The following MACROD2 variants were observed in gnomAD, a reference collection of about 807,000 sequenced individuals.
MACROD2 encodes mono-ADP ribosylhydrolase 2, also known as ADP-ribose glycohydrolase MACROD2.
A neutral mutation model predicts 70.4 loss-of-function variants in MACROD2; 36 were observed. That is an observed-to-expected ratio of 0.51 (90% CI 0.39 to 0.68). MACROD2 has a LOEUF of 0.68. Ranked by LOEUF, MACROD2 falls within the 30% of genes least tolerant of loss-of-function variation. The probability of loss-of-function intolerance (pLI) is 0.00; values close to 1 mark genes in which losing one functional copy is unlikely to be tolerated. For synonymous variants in MACROD2, 172 were observed against 178.8 expected (o/e 0.96, Z 0.30); for missense variants, 496 against 538.4 (o/e 0.92, Z 0.78).
chr20:14,018,849 A>G lies in MACROD2; in HGVS notation c.163+16445A>G, dbSNP rs958628674. On this transcript the variant is annotated intron_variant, in intron 2 of 17. Transcript: ENST00000684519. Reference sequence around the variant, plus strand: ...AATATTATGGCACCAGCCTTTGATAAAAGAAAAAGCTTTATTGCAAGGTTG... The same window carrying G: ...AATATTATGGCACCAGCCTTTGATAGAAGAAAAAGCTTTATTGCAAGGTTG... 5.9e-5 allele frequency among the ~76,000 whole-genome samples: 9 copies of G among 152,208 alleles called. No individual in the cohort carries two copies. In the South Asian group the frequency reaches 1.7e-3, roughly 28 times the overall value.
chr20:15,170,044 C>T (rs1243376261), intron 5 of MACROD2, among the ~76,000 whole-genome samples: 2 of 152,166 alleles, frequency 1.3e-5, no homozygotes, highest in African/African-American at 2.4e-5. Flanking sequence ...GGCCATGTTG[C>T]CTTACAAGCC....
At chr20:15,427,118 T>G (rs2046308729) in intron 6 of MACROD2, among the ~76,000 whole-genome samples, 2 of 152,212 alleles carry the variant, frequency 1.3e-5, no homozygotes, top group Admixed American at 1.3e-4. Flanking sequence ...ATGAATTTTT[T>G]TCCACAATAC....
intron 6 of MACROD2, among the ~76,000 whole-genome samples, chr20:15,374,613 G>A (rs965335532): frequency 6.6e-6 from 1 of 152,022 alleles, no homozygotes; most frequent in Admixed American, 6.6e-5. Context: ...ACAGACAGTT[G>A]ATATAACTGA....
intron 8 of MACROD2, among the ~76,000 whole-genome samples, chr20:15,578,812 A>G (rs531533475): frequency 1.8e-4 from 28 of 152,318 alleles, no homozygotes; most frequent in African/African-American, 6.3e-4. Flanking sequence ...TGTTTCAGTG[A>G]AAAGCTAAAA....
intron 8 of MACROD2, among the ~76,000 whole-genome samples, chr20:15,546,329 A>G (rs2048025968): frequency 6.6e-6 from 1 of 152,192 alleles, no homozygotes; most frequent in Non-Finnish European, 1.5e-5. Flanking sequence ...ATGACTGTAA[A>G]TGGATTTTCT....
chr20:14,179,963 G>A (rs898594938), intron 3 of MACROD2, among the ~76,000 whole-genome samples: 2 of 152,128 alleles, frequency 1.3e-5, no homozygotes, highest in Non-Finnish European at 2.9e-5. Context: ...ATTTTAAAGT[G>A]TATAATTCAG....
At chr20:14,737,252 C>G (rs2071677604) in intron 5 of MACROD2, among the ~76,000 whole-genome samples, 1 of 152,124 alleles carries the variant, frequency 6.6e-6, no homozygotes, top group African/African-American at 2.4e-5. Context: ...TGGTTTCCAG[C>G]ATCATCCATG....
At chr20:14,578,853 G>A (rs1295943849) in intron 4 of MACROD2, among the ~76,000 whole-genome samples, 1 of 152,102 alleles carries the variant, frequency 6.6e-6, no homozygotes, top group African/African-American at 2.4e-5. Flanking sequence ...TATTTTACAG[G>A]GAGGAGCGTG....
intron 3 of MACROD2, among the ~76,000 whole-genome samples, chr20:14,371,797 T>C (rs537191775): frequency 1.2e-4 from 18 of 152,230 alleles, no homozygotes; most frequent in African/African-American, 4.3e-4. Flanking sequence ...CTAGGTTCTC[T>C]CTTCCATGAT....
At chr20:15,151,187 G>A (rs1734918) in intron 5 of MACROD2, among the ~76,000 whole-genome samples, 95,479 of 151,730 alleles carry the variant, frequency 0.63, 30,511 homozygotes, top group African/African-American at 0.72. Context: ...AGGTGAGTTG[G>A]ACAGTCCAAT....
chr20:15,136,708 A>G (rs1358394931), intron 5 of MACROD2, among the ~76,000 whole-genome samples: 1 of 152,042 alleles, frequency 6.6e-6, no homozygotes, highest in Non-Finnish European at 1.5e-5. Flanking sequence ...CAAAATTGAC[A>G]AATGGGATCT....
At chr20:15,052,658 C>T (rs1568550628) in intron 5 of MACROD2, among the ~76,000 whole-genome samples, 1 of 152,080 alleles carries the variant, frequency 6.6e-6, no homozygotes, top group African/African-American at 2.4e-5. Flanking sequence ...CTGGAGCCTC[C>T]GTATTCCCTG....
At chr20:14,868,652 T>G (rs1320915148) in intron 5 of MACROD2, among the ~76,000 whole-genome samples, 1 of 152,156 alleles carries the variant, frequency 6.6e-6, no homozygotes, top group African/African-American at 2.4e-5. Context: ...TGCAAATGTC[T>G]TTACTTTCAC....
intron 7 of MACROD2, among the ~76,000 whole-genome samples, chr20:15,488,591 G>A (rs2047189928): frequency 6.6e-6 from 1 of 152,180 alleles, no homozygotes; most frequent in Non-Finnish European, 1.5e-5. Context: ...CCCACTGGGG[G>A]GCTCCTAGCG....
chr20:14,767,417 C>A (rs2072105374), intron 5 of MACROD2, among the ~76,000 whole-genome samples: 1 of 151,762 alleles, frequency 6.6e-6, no homozygotes. Context: ...TTTAGAAATG[C>A]AAGTGAGGGA....
At chr20:15,754,525 A>G (rs1274906443) in intron 8 of MACROD2, among the ~76,000 whole-genome samples, 1 of 151,850 alleles carries the variant, frequency 6.6e-6, no homozygotes, top group African/African-American at 2.4e-5. Context: ...TAGGAGAATC[A>G]TCTGAGCCTG....
Position 15,308,215 on chromosome 20 carries a change from T to A in MACROD2, c.540+78154T>A, listed in dbSNP as rs1176067994. The stretch of plus-strand genomic sequence containing the variant: ...CATAATGTAAATATCCTGTTTGTCA[T>A]CAAACTTTTTACCCAATAGTTTTAG... On this transcript the variant is annotated intron_variant, in intron 6 of 17. Transcript: ENST00000684519. Among the ~76,000 whole-genome samples, 3 of 152,348 alleles carry A rather than the reference T, an allele frequency of 2.0e-5. No individual in the cohort carries two copies. In the East Asian group the frequency reaches 5.8e-4, roughly 29 times the overall value.
At chr20:14,906,255 A>C (rs1957372392) in intron 5 of MACROD2, among the ~76,000 whole-genome samples, 1 of 152,174 alleles carries the variant, frequency 6.6e-6, no homozygotes, top group South Asian at 2.1e-4. Flanking sequence ...GCACTTTGGG[A>C]GGCCAAGGAG....
chr20:15,982,493 G>C (rs979374350), intron 13 of MACROD2, among the ~76,000 whole-genome samples: 9 of 152,138 alleles, frequency 5.9e-5, no homozygotes, highest in African/African-American at 2.2e-4. Flanking sequence ...AGTGTGACTG[G>C]AGCGGGGCTT....
Sources: allele counts gnomAD v4.1 joint callset (sites outside exome capture counted in the v4.1 genomes callset), GRCh38; gene constraint gnomAD v4.1.1; transcripts MANE v1.5; gene names NCBI Gene and HGNC (gene_info 2026-07-23, HGNC 2026-07-21).